Variants in F10 observed in about 807,000 individuals in gnomAD.
The protein encoded by F10 is coagulation factor X.
Under a neutral mutation model 37.1 loss-of-function variants are expected in F10, and 29 were observed. That is an observed-to-expected ratio of 0.78 (90% CI 0.58 to 1.07). The LOEUF is 1.07. F10 is among the 50% of genes least tolerant of loss of function. F10 has a pLI of 0.00. For missense variants in F10, 539 were observed against 667.9 expected, an observed-to-expected ratio of 0.81 and a Z score of 2.13; for synonymous variants, 262 against 268.6, an observed-to-expected ratio of 0.98 and a Z score of 0.24.
At chr13:113,134,347 A>G (rs2036459554) in intron 2 of F10, among the ~76,000 whole-genome samples, 1 of 152,186 alleles carries the variant, frequency 6.6e-6, no homozygotes, top group Admixed American at 6.5e-5. Flanking sequence ...TTATAAAGGA[A>G]AAAAGGTTTA....
At chr13:113,136,872 G>A (rs1469748829) in intron 2 of F10, among the ~76,000 whole-genome samples, 1 of 24,360 alleles carries the variant, frequency 4.1e-5, no homozygotes, top group African/African-American at 9.0e-5. Flanking sequence ...GGATGGTCTC[G>A]ATCTCCTGAC....
chr13:113,129,370 C>T (rs1481888280), intron 1 of F10, 82 bp from the exon 2 acceptor site: 3 of 1,555,710 alleles, frequency 1.9e-6, no homozygotes, highest in African/African-American at 1.4e-5. Flanking sequence ...TGGCAAGGGA[C>T]ATGGCAGTCA....
chr13:113,129,604 G>A lies in F10; in HGVS notation c.223G>A (p.Asp75Asn), dbSNP rs759801225. ...EEAREVFEDSDKTNEFWNKYK... is the reference protein window; with the variant it reads ...EEAREVFEDSNKTNEFWNKYK... ...GGCCCGCGAGGTCTTTGAGGACAGC[G>A]ACAAGACGGTAAGGGCTGGGGATAG... The change falls in exon 2 of 8, where the codon GAC (aspartate) becomes AAC (asparagine). Residue 75 changes from aspartate to asparagine, a missense_variant. Transcript: ENST00000375559. The A allele has an allele frequency of 6.2e-7, 1 of 1,614,158 alleles. No homozygotes were observed. The highest frequency in any genetic ancestry group is 1.3e-5 in the African/African-American group (1 of 75,060).
chr13:113,129,486 G>C lies in F10; in HGVS notation c.105G>C (p.Leu35=), dbSNP rs1369479200. 1.2e-6 allele frequency: 2 copies of C among 1,614,104 alleles called. No individual in the cohort carries two copies. The highest frequency in any genetic ancestry group is 2.2e-5 in the South Asian group (2 of 91,074). ...FIRREQANNI[L]ARVTRANSFL... ...GCAGGGAGCAGGCCAACAACATCCT[G>C]GCGAGGGTCACGAGGGCCAATTCCT... Residue 35 remains leucine, a synonymous_variant, in exon 2 of 8, where the codon CTG becomes CTC. Transcript: ENST00000375559.
At position 113,146,605 on chromosome 13, in the gene F10, G is replaced by C. The variant is rs1450705163; in HGVS notation, c.748-774G>C. On this transcript the variant is annotated intron_variant, in intron 6 of 7. Coordinates refer to ENST00000375559, the MANE Select transcript of F10 (RefSeq NM_000504.4). The surrounding 1 kb of genome is among the most constrained non-coding windows in gnomAD (Gnocchi z 4.5). ...TGACTTTCCCTCATGTAAGCTGGAT[G>C]ATGAGTTGACAAATTATGCAAAAAA... Among the ~76,000 whole-genome samples, 5 of 152,222 alleles carry C rather than the reference G, an allele frequency of 3.3e-5. No homozygotes were observed.
intron 2 of F10, among the ~76,000 whole-genome samples, chr13:113,137,498 T>C (rs1425133271): frequency 6.6e-6 from 1 of 152,152 alleles, no homozygotes; most frequent in Non-Finnish European, 1.5e-5. Flanking sequence ...GTGAGAATTT[T>C]AAAAGTAAAA....
chr13:113,148,782 A>C, intron 7 of F10, 134 bp from the exon 8 acceptor site: 1 of 1,456,466 alleles, frequency 6.9e-7, no homozygotes, highest in East Asian at 2.4e-5. Context: ...ACTTCCCTCT[A>C]TTTTTCAAAT....
At chr13:113,145,870 C>G (rs748113537) in intron 6 of F10, among the ~76,000 whole-genome samples, 6 of 152,218 alleles carry the variant, frequency 3.9e-5, no homozygotes, top group African/African-American at 9.7e-5. Context: ...CCACAACACA[C>G]GGGAAATATG....
chr13:113,139,311 C>T lies in F10; in HGVS notation c.257-46C>T, dbSNP rs755706875. Reference sequence around the variant, plus strand: ...GCACAGCAAAACTGTTTCCATGATGCCGGAAACAGCTTGCAGACTCCAGTT... The same window carrying T: ...GCACAGCAAAACTGTTTCCATGATGTCGGAAACAGCTTGCAGACTCCAGTT... On this transcript the variant is annotated intron_variant, in intron 3 of 7. Coordinates refer to ENST00000375559, the MANE Select transcript of F10 (RefSeq NM_000504.4). The surrounding 1 kb of genome is among the most constrained non-coding windows in gnomAD (Gnocchi z 5.2). 6.6e-7 allele frequency: 1 copy of T among 1,505,022 alleles called. No individual in the cohort carries two copies. Among genetic ancestry groups the T allele is most frequent in the Non-Finnish European group, 9.2e-7 (1 of 1,082,684 alleles). 93.2% of individuals were successfully genotyped at this position (1,505,022 alleles called of 1,614,324 possible).
rs777124094 is a variant in F10 at position 113,148,911 on chromosome 13, C to T, written c.866-5C>T. 11 of 1,613,172 alleles carry T rather than the reference C, an allele frequency of 6.8e-6. No individual in the cohort carries two copies. Among genetic ancestry groups the T allele is most frequent in the African/African-American group, 1.3e-5 (1 of 74,916 alleles). ...GCTGAGCACAGTCCCACTCGTCTGTCCCAGGGGACCGGAACACGGAGCAGG... is the reference window on the plus strand; with the variant it reads ...GCTGAGCACAGTCCCACTCGTCTGTTCCAGGGGACCGGAACACGGAGCAGG... On this transcript the variant is annotated splice_region_variant and splice_polypyrimidine_tract_variant and intron_variant, in intron 7 of 7. Coordinates refer to ENST00000375559, the MANE Select transcript of F10 (RefSeq NM_000504.4).
rs561008195 is a variant in F10, at chr13:113,126,313, G to A, written c.71-3139G>A. On this transcript the variant is annotated intron_variant, in intron 1 of 7. Transcript: ENST00000375559. ...CTTATAGGCCGTGTCCTACCCCCAT[G>A]AGCTGGGGAGAGCTGAGCAGGCTTC... Among the ~76,000 whole-genome samples, 57 of 152,326 alleles carry A rather than the reference G, an allele frequency of 3.7e-4. 1 individual carries two copies. Among genetic ancestry groups the A allele is most frequent in the Admixed American group, 1.3e-4 (2 of 15,302 alleles).
rs747831659 is a variant in F10, at chr13:113,129,618, G to A, written c.231+6G>A. The A allele has an allele frequency of 7.4e-6, 12 of 1,614,092 alleles. No homozygotes were observed. The highest frequency in any genetic ancestry group is 1.7e-5 in the Admixed American group (1 of 60,024). On this transcript the variant is annotated splice_donor_region_variant and intron_variant, in intron 2 of 7. Coordinates refer to ENST00000375559, the MANE Select transcript of F10 (RefSeq NM_000504.4). ...TTGAGGACAGCGACAAGACGGTAAG[G>A]GCTGGGGATAGCCTGGCTGTTGGTA...
chr13:113,133,202 A>C (rs1324876112), intron 2 of F10, among the ~76,000 whole-genome samples: 1 of 152,144 alleles, frequency 6.6e-6, no homozygotes, highest in Non-Finnish European at 1.5e-5. Context: ...AAAAGAAAAA[A>C]ATAAACCAAA....
In F10 at chr13:113,143,720, GCCCGC is replaced by G; in HGVS notation, c.503-130_503-126del. The G allele has an allele frequency of 5.6e-5, 79 of 1,418,974 alleles. No homozygotes were observed. The highest frequency in any genetic ancestry group is 3.9e-4 in the Admixed American group (20 of 50,780). 87.9% of individuals were successfully genotyped at this position (1,418,974 alleles called of 1,614,324 possible). A position where few individuals can be genotyped will look rare whatever the true frequency, so the allele number is the denominator to read the frequency against. ...GACGACGTGGGGCCTCGCCCTGCAAGCCCGCTGCCCCTCCGGGTGCCCCTGCGCTC... is the reference window on the plus strand; with the variant it reads ...GACGACGTGGGGCCTCGCCCTGCAAGTGCCCCTCCGGGTGCCCCTGCGCTC... On this transcript the variant is annotated intron_variant, in intron 5 of 7. Coordinates refer to ENST00000375559, the MANE Select transcript of F10 (RefSeq NM_000504.4). This position sits in a 1 kb window ranked among gnomAD's most constrained non-coding sequence, Gnocchi z 6.8.
intron 1 of F10, among the ~76,000 whole-genome samples, chr13:113,125,931 G>C (rs758720192): frequency 3.9e-5 from 6 of 152,084 alleles, no homozygotes; most frequent in Admixed American, 1.3e-4. Context: ...AAAGAGACAC[G>C]AGTGGGGGCA....
rs1227107199 is a variant in F10, at chr13:113,139,322, T to C, written c.257-35T>C. 1.3e-6 allele frequency: 2 copies of C among 1,567,408 alleles called. No homozygotes were observed. The highest frequency in any genetic ancestry group is 8.8e-7 in the Non-Finnish European group (1 of 1,138,210). On this transcript the variant is annotated intron_variant, in intron 3 of 7. Transcript: ENST00000375559. This position sits in a 1 kb window ranked among gnomAD's most constrained non-coding sequence, Gnocchi z 5.2. ...CTGTTTCCATGATGCCGGAAACAGC[T>C]TGCAGACTCCAGTTTCGAAATCCTC...
chr13:113,141,992 T>G lies in F10; in HGVS notation c.502+942T>G, dbSNP rs1315303518. ...TCCCGAGTGTTCTGTCACTCTTCCT[T>G]TCATATCCTTCTTACCGAAAACAAT... is the stretch of plus-strand genomic sequence containing the variant. On this transcript the variant is annotated intron_variant, in intron 5 of 7. Transcript: ENST00000375559. This position sits in a 1 kb window ranked among gnomAD's most constrained non-coding sequence, Gnocchi z 5.4. Among the ~76,000 whole-genome samples, 1 of 152,202 alleles carries G rather than the reference T, an allele frequency of 6.6e-6. No homozygotes were observed. The highest frequency in any genetic ancestry group is 2.4e-5 in the African/African-American group (1 of 41,442).
At chr13:113,125,661 G>T (rs1053746907) in intron 1 of F10, among the ~76,000 whole-genome samples, 1 of 152,246 alleles carries the variant, frequency 6.6e-6, no homozygotes, top group African/African-American at 2.4e-5. Flanking sequence ...TGCTCAGTCT[G>T]ACTGAAGCGT....
chr13:113,129,640 G>C (rs200128715), intron 2 of F10, 28 bp downstream of exon 2: 2 of 1,613,626 alleles, frequency 1.2e-6, no homozygotes, highest in Non-Finnish European at 1.7e-6. Flanking sequence ...CCTGGCTGTT[G>C]GTAAGGAGCT....
Sources: gnomAD v4.1 joint callset for allele counts (sites outside exome capture counted in the v4.1 genomes callset) on GRCh38, gnomAD v4.1.1 for gene constraint, Gnocchi (gnomAD v3.1) non-coding constraint, MANE v1.5 for transcripts, NCBI Gene and HGNC (gene_info 2026-07-23, HGNC 2026-07-21) for gene names.